STPG2: variants seen among roughly 807,000 people sequenced by gnomAD.
STPG2 encodes sperm tail PG-rich repeat containing 2.
In STPG2, 56 loss-of-function variants were observed where a neutral mutation model predicts 54.2. The ratio of observed to expected loss-of-function variants is 1.03; its 90% CI spans 0.83 to 1.29. STPG2 has a LOEUF of 1.29. Among genes scored for constraint, STPG2 ranks in the 50% most tolerant of loss-of-function variants. The pLI is 0.00. For synonymous variants in STPG2, 200 were observed against 181.8 expected (o/e 1.10, Z -0.81); for missense variants, 596 against 544.9 (o/e 1.09, Z -0.93).
At chr4:97,671,284 T>C (rs1393588072) in intron 10 of STPG2, among the ~76,000 whole-genome samples, 1 of 152,224 alleles carries the variant, frequency 6.6e-6, no homozygotes, top group African/African-American at 2.4e-5. Flanking sequence ...TACCAATATT[T>C]AGATAGGAAA....
intron 8 of STPG2, among the ~76,000 whole-genome samples, chr4:97,878,953 A>T (rs1031441357): frequency 5.3e-5 from 8 of 152,140 alleles, no homozygotes; most frequent in Admixed American, 3.9e-4. Flanking sequence ...TTTGCTGCTT[A>T]GAAATTTCTT....
intron 1 of STPG2, among the ~76,000 whole-genome samples, chr4:98,136,483 T>G (rs1740139048): frequency 6.6e-6 from 1 of 151,760 alleles, no homozygotes; most frequent in Non-Finnish European, 1.5e-5. Context: ...TGTAATTTAT[T>G]GAATACTGTA....
chr4:97,987,454 G>A (rs532060484), intron 5 of STPG2, among the ~76,000 whole-genome samples: 1 of 152,142 alleles, frequency 6.6e-6, no homozygotes, highest in East Asian at 1.9e-4. Flanking sequence ...TTAATTGTAA[G>A]AAATTAAGCT....
chr4:97,907,792 T>C (rs1039117251), intron 8 of STPG2, among the ~76,000 whole-genome samples: 2 of 152,120 alleles, frequency 1.3e-5, no homozygotes, highest in African/African-American at 4.8e-5. Context: ...TAATAAATAG[T>C]GGTGGGAAAA....
chr4:97,637,576 T>C (rs887716493), intron 10 of STPG2, among the ~76,000 whole-genome samples: 3 of 152,178 alleles, frequency 2.0e-5, no homozygotes, highest in Non-Finnish European at 4.4e-5. Context: ...GATGACATGA[T>C]TGTATATCTA....
intron 5 of STPG2, among the ~76,000 whole-genome samples, chr4:98,012,985 A>G (rs1156852347): frequency 2.0e-5 from 3 of 152,208 alleles, no homozygotes; most frequent in Non-Finnish European, 4.4e-5. Flanking sequence ...TTCCAATACC[A>G]CATTGAATAG....
At chr4:97,555,826 T>A (rs1419598531), downstream of STPG2, among the ~76,000 whole-genome samples, 1 of 152,056 alleles carries the variant, frequency 6.6e-6, no homozygotes, top group East Asian at 1.9e-4. Context: ...AATAGAAATC[T>A]CATCTTTATA....
At chr4:97,914,951 T>A (rs1444144474) in intron 8 of STPG2, among the ~76,000 whole-genome samples, 1 of 152,232 alleles carries the variant, frequency 6.6e-6, no homozygotes, top group Admixed American at 6.5e-5. Context: ...TCACATATAA[T>A]GTCCTCAAGG....
chr4:97,619,654 CAT>C (rs904714654), intron 10 of STPG2, among the ~76,000 whole-genome samples: 7 of 151,726 alleles, frequency 4.6e-5, no homozygotes, highest in Non-Finnish European at 5.9e-5. Flanking sequence ...CCACTCAACA[CAT>C]ATAATTTCCA....
rs146529590 is a variant in STPG2, at chr4:97,678,502, G to T, written c.1320+34197C>A. 2.0e-3 allele frequency among the ~76,000 whole-genome samples: 307 copies of T among 152,038 alleles called. 1 individual carries two copies. Among genetic ancestry groups the T allele is most frequent in the African/African-American group, 6.9e-3 (287 of 41,474 alleles). ...AGAAAAGTATTAAACAATGTAATCA[G>T]CACTTACCATGCACCATACAGCCTA... On this transcript the variant is annotated intron_variant, in intron 10 of 10. Transcript: ENST00000295268.
At chr4:97,899,838 T>G (rs919086187) in intron 8 of STPG2, among the ~76,000 whole-genome samples, 2 of 152,124 alleles carry the variant, frequency 1.3e-5, no homozygotes, top group Non-Finnish European at 2.9e-5. Flanking sequence ...GATTAAAGAC[T>G]TAAATGTAAA....
In STPG2 at chr4:97,729,833, T is replaced by A. The variant is rs182770178; in HGVS notation, c.1205-17019A>T. Among the ~76,000 whole-genome samples the A allele has an allele frequency of 6.6e-5, 10 of 152,138 alleles. No homozygotes were observed. In the East Asian group the frequency reaches 1.9e-3, roughly 30 times the overall value. The stretch of plus-strand genomic sequence containing the variant: ...AGCCAATTTATTTTAAAGTGCCTTT[T>A]TTTCCTGCTATTGTAAATGGGATTT... On this transcript the variant is annotated intron_variant, in intron 9 of 10. Coordinates refer to ENST00000295268, the MANE Select transcript of STPG2 (RefSeq NM_174952.3).
At chr4:97,687,468 T>G (rs192567890) in intron 10 of STPG2, among the ~76,000 whole-genome samples, 1 of 152,202 alleles carries the variant, frequency 6.6e-6, no homozygotes, top group African/African-American at 2.4e-5. Flanking sequence ...GCTTCCAGAA[T>G]AGCTGGGATT....
At chr4:97,933,510 G>C (rs1732628799) in intron 8 of STPG2, among the ~76,000 whole-genome samples, 1 of 152,102 alleles carries the variant, frequency 6.6e-6, no homozygotes, top group African/African-American at 2.4e-5. Flanking sequence ...TTACATTTAA[G>C]TCTTTAATCC....
At chr4:97,780,624 A>G (rs1240354622) in intron 9 of STPG2, among the ~76,000 whole-genome samples, 2 of 134,578 alleles carry the variant, frequency 1.5e-5, no homozygotes, top group African/African-American at 5.8e-5. Context: ...TCAACAGAAT[A>G]TACATTCTTC....
chr4:97,786,834 A>G (rs927653521), intron 9 of STPG2, among the ~76,000 whole-genome samples: 3 of 152,082 alleles, frequency 2.0e-5, no homozygotes, highest in South Asian at 2.1e-4. Flanking sequence ...TCAGTTATCA[A>G]ATTGACTATG....
intron 8 of STPG2, among the ~76,000 whole-genome samples, chr4:97,905,262 C>A (rs555059690): frequency 1.5e-3 from 234 of 152,230 alleles, no homozygotes; most frequent in African/African-American, 5.5e-3. Context: ...GATGTCTCGG[C>A]AGAAACTCTA....
At chr4:97,797,440 G>T (rs1453727526) in intron 9 of STPG2, among the ~76,000 whole-genome samples, 1 of 152,184 alleles carries the variant, frequency 6.6e-6, no homozygotes, top group African/African-American at 2.4e-5. Flanking sequence ...CATCTATTGA[G>T]ATAATCCTGT....
At chr4:97,624,661 T>C (rs1342128129) in intron 10 of STPG2, among the ~76,000 whole-genome samples, 1 of 152,220 alleles carries the variant, frequency 6.6e-6, no homozygotes, top group Non-Finnish European at 1.5e-5. Context: ...TTTGTTGCAA[T>C]TGCTTTTGAC....
Sources: gnomAD v4.1 joint callset for allele counts (sites outside exome capture counted in the v4.1 genomes callset) on GRCh38, gnomAD v4.1.1 for gene constraint, MANE v1.5 for transcripts, NCBI Gene and HGNC (gene_info 2026-07-23, HGNC 2026-07-21) for gene names.